QRICH1: variants seen among roughly 807,000 people sequenced by gnomAD.
QRICH1 encodes the protein transcriptional regulator QRICH1.
In QRICH1, 16 loss-of-function variants were observed where a neutral mutation model predicts 87.1. The ratio of observed to expected loss-of-function variants is 0.18; its 90% CI spans 0.12 to 0.28. QRICH1 has a LOEUF of 0.28. Among genes scored for constraint, QRICH1 ranks in the 10% least tolerant of loss-of-function variants. The pLI, the probability that QRICH1 is intolerant of heterozygous loss-of-function variation, is 1.00. For missense variants in QRICH1, 647 were observed against 951.7 expected, an observed-to-expected ratio of 0.68 and a Z score of 4.21; for synonymous variants, 367 against 368.4, an observed-to-expected ratio of 1.00 and a Z score of 0.05.
At chr3:49,034,424 A>T (rs1166176121) in intron 6 of QRICH1, among the ~76,000 whole-genome samples, 1 of 151,362 alleles carries the variant, frequency 6.6e-6, no homozygotes, top group African/African-American at 2.4e-5. Flanking sequence ...CCTGGGTGAC[A>T]GAGTGAGATC....
chr3:49,069,254 C>A (rs992659378), intron 2 of QRICH1, among the ~76,000 whole-genome samples: 11 of 151,702 alleles, frequency 7.3e-5, no homozygotes, highest in Non-Finnish European at 8.8e-5. Flanking sequence ...AGGTGCCCAC[C>A]ACCACACCTG....
intron 1 of QRICH1, among the ~76,000 whole-genome samples, chr3:49,084,821 T>C (rs2042137097): frequency 1.3e-5 from 2 of 151,556 alleles, no homozygotes; most frequent in Non-Finnish European, 2.9e-5. Flanking sequence ...AACCACAGAG[T>C]AATTAAGTTT....
chr3:49,059,097 G>C (rs551728794), intron 2 of QRICH1, among the ~76,000 whole-genome samples: 1 of 151,808 alleles, frequency 6.6e-6, no homozygotes, highest in South Asian at 2.1e-4. Context: ...GGGTAGCTGG[G>C]ACTACAGGTG....
At chr3:49,079,257 C>A (rs570109923) in intron 1 of QRICH1, among the ~76,000 whole-genome samples, 13 of 151,652 alleles carry the variant, frequency 8.6e-5, no homozygotes, top group African/African-American at 2.7e-4. Flanking sequence ...AACAAACAAA[C>A]AAAAAAATTA....
At chr3:49,034,441 CAAA>C (rs761722925) in intron 6 of QRICH1, among the ~76,000 whole-genome samples, 2 of 109,454 alleles carry the variant, frequency 1.8e-5, no homozygotes, top group Admixed American at 9.7e-5. Flanking sequence ...GATCCTGTCT[CAAA>C]AAAAAAAAAA....
At chr3:49,046,369 C>A in intron 5 of QRICH1, 56 bp downstream of exon 5, 2 of 1,520,494 alleles carry the variant, frequency 1.3e-6, no homozygotes, top group Non-Finnish European at 1.8e-6. Flanking sequence ...ACTAAACTAG[C>A]AAACATCCAA....
rs190343359 is a variant in QRICH1 at position 49,029,865 on chromosome 3, A to C, written c.*587T>G. ...TAAGGCCTCAATGTTAGGCCAACAA[A>C]AAAAAAAAAGGCATGGTAAAGTTTT... On this transcript the variant is annotated 3_prime_UTR_variant, in exon 10 of 10. Transcript: ENST00000395443. The C allele has an allele frequency of 4.6e-4, 77 of 165,970 alleles. No homozygotes were observed. Among genetic ancestry groups the C allele is most frequent in the East Asian group, 2.4e-3 (13 of 5,512 alleles). 10.3% of individuals were successfully genotyped at this position (165,970 alleles called of 1,614,324 possible).
intron 6 of QRICH1, among the ~76,000 whole-genome samples, chr3:49,039,308 G>A (rs2093295276): frequency 6.6e-6 from 1 of 152,118 alleles, no homozygotes; most frequent in South Asian, 2.1e-4. Flanking sequence ...AGTGAACCGA[G>A]ATCGTGTCAT....
At position 49,057,188 on chromosome 3, in the gene QRICH1, T is replaced by C; in HGVS notation, c.1012A>G (p.Asn338Asp). 6.2e-7 allele frequency: 1 copy of C among 1,614,194 alleles called. No homozygotes were observed. Among genetic ancestry groups the C allele is most frequent in the Non-Finnish European group, 8.5e-7 (1 of 1,180,028 alleles). ...GGTGAGCCACTGACGTGAACTGCGTTGTAGGCTTCCTGGGGAATGGCAATG... is the reference window on the plus strand; with the variant it reads ...GGTGAGCCACTGACGTGAACTGCGTCGTAGGCTTCCTGGGGAATGGCAATG... ...THIAIPQEAY[N>D]AVHVSGSPTA... is the part of the protein sequence containing the mutation. Residue 338 changes from asparagine (N) to aspartate (D), a missense_variant, in exon 3 of 10, where the codon AAC (asparagine) becomes GAC (aspartate). Physicochemically the swap from Asn to Asp is conservative, Grantham distance 23. Coordinates refer to ENST00000395443, the MANE Select transcript of QRICH1 (RefSeq NM_198880.3). The surrounding 1 kb of genome is among the most constrained non-coding windows in gnomAD (Gnocchi z 5.4).
intron 3 of QRICH1, among the ~76,000 whole-genome samples, chr3:49,053,486 C>A (rs1158226399): frequency 0.012 from 1,312 of 112,582 alleles, no homozygotes; most frequent in Non-Finnish European, 0.012. Context: ...CCCCCTGTCT[C>A]AAAAAAAAAA....
chr3:49,087,982 C>T (rs1267726224), intron 1 of QRICH1, among the ~76,000 whole-genome samples: 55 of 148,196 alleles, frequency 3.7e-4, no homozygotes, highest in African/African-American at 1.3e-3. Context: ...GACAGAGTCT[C>T]ACTCTGTCAC....
intron 2 of QRICH1, among the ~76,000 whole-genome samples, chr3:49,071,277 G>C (rs2093498994): frequency 6.6e-6 from 1 of 152,076 alleles, no homozygotes; most frequent in South Asian, 2.1e-4. Flanking sequence ...TGTTAGCCAG[G>C]ATGGTCTCAA....
chr3:49,051,300 C>T (rs780751337), intron 3 of QRICH1, among the ~76,000 whole-genome samples: 8 of 152,150 alleles, frequency 5.3e-5, no homozygotes, highest in Non-Finnish European at 8.8e-5. Context: ...CTTTCTGGCA[C>T]ATCCAACAAT....
chr3:49,072,966 C>G (rs2041871667), intron 2 of QRICH1, among the ~76,000 whole-genome samples: 1 of 151,772 alleles, frequency 6.6e-6, no homozygotes, highest in Non-Finnish European at 1.5e-5. Flanking sequence ...CACCTGAGCC[C>G]AGGAGGTAGA....
At chr3:49,071,322 A>G (rs1281289422) in intron 2 of QRICH1, among the ~76,000 whole-genome samples, 1 of 152,170 alleles carries the variant, frequency 6.6e-6, no homozygotes, top group Non-Finnish European at 1.5e-5. Context: ...CTGGGATTAC[A>G]GGCATGAACC....
chr3:49,033,395 A>G (rs1362390171), intron 6 of QRICH1, 167 bp from the exon 7 acceptor site: 1 of 412,130 alleles, frequency 2.4e-6, no homozygotes, highest in Non-Finnish European at 4.3e-6. Context: ...AAACACAGAT[A>G]GCTGGGTCCC....
chr3:49,051,587 C>G lies in QRICH1; in HGVS notation c.1339-4341G>C, dbSNP rs926687096. Among the ~76,000 whole-genome samples the G allele has an allele frequency of 2.4e-4, 30 of 122,948 alleles. No individual in the cohort carries two copies. The South Asian group carries it at 5.4e-3, about 22-fold the overall frequency. The allele number at this position is 122,948 out of a possible 152,430, so 80.7% of individuals were successfully genotyped here. A position where few individuals can be genotyped will look rare whatever the true frequency, so the allele number is the denominator to read the frequency against. ...TCCAAGCTAGAACCCCCCCTGCGCCCCCCCCCCCCTCCGCTTAATATACCT... is the reference window on the plus strand; with the variant it reads ...TCCAAGCTAGAACCCCCCCTGCGCCGCCCCCCCCCTCCGCTTAATATACCT... On this transcript the variant is annotated intron_variant, in intron 3 of 9. Transcript: ENST00000395443.
intron 6 of QRICH1, among the ~76,000 whole-genome samples, chr3:49,042,298 A>C (rs1445464488): frequency 6.7e-6 from 1 of 150,128 alleles, no homozygotes; most frequent in Middle Eastern, 3.4e-3. Flanking sequence ...ACGGGGTTTC[A>C]CCGTGTTAGC....
rs1431682382 is a variant in QRICH1, at chr3:49,033,242, A to G, written c.1787-14T>C. The G allele has an allele frequency of 6.7e-7, 1 of 1,486,948 alleles. No homozygotes were observed. The allele number at this position is 1,486,948 out of a possible 1,614,324, so 92.1% of individuals were successfully genotyped here. Reference sequence around the variant, plus strand: ...GCAAGACATAGCCTAGGAGGAATAGAGTACTGTCACAACAAGAGGATGGCA... The same window carrying G: ...GCAAGACATAGCCTAGGAGGAATAGGGTACTGTCACAACAAGAGGATGGCA... On this transcript the variant is annotated splice_polypyrimidine_tract_variant and intron_variant, in intron 6 of 9. Transcript: ENST00000395443.
Sources: allele counts gnomAD v4.1 joint callset (sites outside exome capture counted in the v4.1 genomes callset), GRCh38; gene constraint gnomAD v4.1.1; non-coding constraint Gnocchi (gnomAD v3.1); transcripts MANE v1.5; gene names NCBI Gene and HGNC (gene_info 2026-07-23, HGNC 2026-07-21).